DEFB110: variants seen among roughly 807,000 people sequenced by gnomAD.
DEFB110 encodes the protein defensin beta 110, also known as beta-defensin 110.
In DEFB110, 4 loss-of-function variants were observed where a neutral mutation model predicts 2.5. The observed-to-expected ratio is 1.60, with a 90% CI of 0.79 to 3.66. The LOEUF (loss-of-function observed/expected upper bound fraction) is 3.66. Among genes scored for constraint, DEFB110 ranks in the 30% most tolerant of loss-of-function variants. The pLI, the probability that DEFB110 is intolerant of heterozygous loss-of-function variation, is 0.01. For synonymous variants in DEFB110, 29 were observed against 21.8 expected (o/e 1.33, Z -0.92); for missense variants, 94 against 75.4 (o/e 1.25, Z -0.91).
downstream of DEFB110, among the ~76,000 whole-genome samples, chr6:50,014,862 T>C (rs914063834): frequency 1.3e-5 from 2 of 151,796 alleles, no homozygotes; most frequent in Admixed American, 6.6e-5. Flanking sequence ...ATCCCCATGC[T>C]CTAATGAAGG....
At chr6:50,020,193 A>T (rs75612582) in intron 1 of DEFB110, among the ~76,000 whole-genome samples, 2 of 152,134 alleles carry the variant, frequency 1.3e-5, no homozygotes, top group Non-Finnish European at 2.9e-5. Context: ...TAACTTTGTA[A>T]TAGTCAAAGC....
chr6:50,011,436 T>C (rs1056062858), intron 1 of DEFB110, among the ~76,000 whole-genome samples: 1 of 151,988 alleles, frequency 6.6e-6, no homozygotes, highest in African/African-American at 2.4e-5. Context: ...AAATGCTAGT[T>C]TGGGGCCTTA....
At chr6:50,014,335 A>G (rs627990), downstream of DEFB110, among the ~76,000 whole-genome samples, 23,969 of 151,714 alleles carry the variant, frequency 0.16, 3,896 homozygotes, top group African/African-American at 0.42. Flanking sequence ...GAGACTATGG[A>G]TCTAAGATTC....
At chr6:50,019,823 T>C (rs1202984156) in intron 1 of DEFB110, among the ~76,000 whole-genome samples, 2 of 152,086 alleles carry the variant, frequency 1.3e-5, no homozygotes, top group African/African-American at 4.8e-5. Context: ...TATTAAACCT[T>C]TTGACTAGGA....
At chr6:50,012,755 T>G (rs1317559567) in intron 1 of DEFB110, among the ~76,000 whole-genome samples, 4 of 151,932 alleles carry the variant, frequency 2.6e-5, no homozygotes, top group African/African-American at 4.8e-5. Context: ...TTTTTGTGAT[T>G]CATACAACAC....
At position 50,013,575 on chromosome 6, in the gene DEFB110, A is replaced by C. The variant is rs568215786; in HGVS notation, c.56-4304T>G. On this transcript the variant is annotated intron_variant, in intron 1 of 1. Transcript: ENST00000393660. ...CTCTTTTAAGGGAGGAAATAGAGAA[A>C]TTTTTGTAGCAGGAAATCTATGTCA... 3.9e-5 allele frequency among the ~76,000 whole-genome samples: 6 copies of C among 151,906 alleles called. No individual in the cohort carries two copies. The East Asian group carries it at 1.2e-3, about 29-fold the overall frequency.
intron 1 of DEFB110, 22 bp downstream of exon 1, chr6:50,021,859 C>T: frequency 3.9e-6 from 6 of 1,543,948 alleles, no homozygotes; most frequent in South Asian, 1.3e-5. Context: ...AGTATAAATC[C>T]CCACAAATAT....
chr6:50,019,194 AG>A, intron 1 of DEFB110, 69 bp from the exon 2 acceptor site: 1 of 1,506,996 alleles, frequency 6.6e-7, no homozygotes, highest in Non-Finnish European at 9.0e-7. Context: ...AAAAGGAGAA[AG>A]TCCATGAAGC....
At chr6:50,020,392 T>C (rs571873455) in intron 1 of DEFB110, among the ~76,000 whole-genome samples, 5 of 152,200 alleles carry the variant, frequency 3.3e-5, no homozygotes, top group African/African-American at 1.2e-4. Flanking sequence ...TTTTATATTT[T>C]AAATTGTACC....
At chr6:50,020,696 C>T (rs1774403559) in intron 1 of DEFB110, among the ~76,000 whole-genome samples, 2 of 152,112 alleles carry the variant, frequency 1.3e-5, no homozygotes, top group East Asian at 3.8e-4. Context: ...GGCTATAAAA[C>T]CAAGTCCTAC....
downstream of DEFB110, chr6:50,018,748 T>A: frequency 5.3e-6 from 6 of 1,137,368 alleles, no homozygotes; most frequent in Non-Finnish European, 5.5e-6. Context: ...TTGAGGAACT[T>A]GCATAAAATA....
chr6:50,018,803 T>C, downstream of DEFB110: 1 of 1,285,698 alleles, frequency 7.8e-7, no homozygotes, highest in Non-Finnish European at 9.8e-7. Context: ...AAAAGTGTAA[T>C]GGAAAGGCAC....
At chr6:50,017,327 T>C (rs894679305), downstream of DEFB110, among the ~76,000 whole-genome samples, 1 of 151,838 alleles carries the variant, frequency 6.6e-6, no homozygotes, top group Non-Finnish European at 1.5e-5. Flanking sequence ...ATCTCACTGA[T>C]TTTTTTATTG....
Position 50,009,682 on chromosome 6 carries a change from A to G in DEFB110, c.56-411T>C, listed in dbSNP as rs1310433387. Among the ~76,000 whole-genome samples the G allele has an allele frequency of 2.0e-5, 3 of 152,188 alleles. No homozygotes were observed. In the East Asian group the frequency reaches 5.8e-4, roughly 29 times the overall value. ...GATTCTTTATCTCTTTCCTATTTGA[A>G]CATAGTGGTCACACAAATAGTAATC... On this transcript the variant is annotated intron_variant, in intron 1 of 1. Transcript: ENST00000393660.
chr6:50,009,253 G>C, exon 2 of DEFB110: 2 of 1,596,934 alleles, frequency 1.3e-6, no homozygotes, highest in South Asian at 2.3e-5. Context: ...TCTATACTTT[G>C]GTTCAAAATT....
downstream of DEFB110, among the ~76,000 whole-genome samples, chr6:50,016,227 T>A (rs1034324100): frequency 5.9e-4 from 90 of 151,852 alleles, 3 homozygotes. Flanking sequence ...AATTTGACGG[T>A]GATAAATCTA....
chr6:50,013,018 T>C (rs1294290215), intron 1 of DEFB110, among the ~76,000 whole-genome samples: 1 of 151,940 alleles, frequency 6.6e-6, no homozygotes. Context: ...TAACTGCTAC[T>C]ACCACTGCCA....
downstream of DEFB110, among the ~76,000 whole-genome samples, chr6:50,014,272 A>C (rs905370658): frequency 2.6e-5 from 4 of 151,832 alleles, no homozygotes; most frequent in Admixed American, 2.0e-4. Context: ...AGTTTCAGTT[A>C]ATTGGTGTGA....
intron 1 of DEFB110, among the ~76,000 whole-genome samples, chr6:50,012,095 T>G (rs1774237416): frequency 6.6e-6 from 1 of 152,048 alleles, no homozygotes; most frequent in Non-Finnish European, 1.5e-5. Context: ...GCCTTCAAAG[T>G]CAGGTTATTC....
Sources: allele counts gnomAD v4.1 joint callset (sites outside exome capture counted in the v4.1 genomes callset), GRCh38; gene constraint gnomAD v4.1.1; transcripts MANE v1.5; gene names NCBI Gene and HGNC (gene_info 2026-07-23, HGNC 2026-07-21).